CA4: variants seen among roughly 807,000 people sequenced by gnomAD.
The protein encoded by CA4 is CA-IV.
In CA4, 24 loss-of-function variants were observed where a neutral mutation model predicts 34.5. The observed-to-expected ratio is 0.70, with a 90% CI of 0.50 to 0.98. The LOEUF is 0.98. Among genes scored for constraint, CA4 ranks in the 50% least tolerant of loss-of-function variants. CA4 has a pLI of 0.00. For synonymous variants in CA4, 178 were observed against 170.6 expected (o/e 1.04, Z -0.34); for missense variants, 394 against 396.7 (o/e 0.99, Z 0.06).
At chr17:60,163,300 G>T (rs2145294831), downstream of CA4, among the ~76,000 whole-genome samples, 1 of 152,280 alleles carries the variant, frequency 6.6e-6, no homozygotes, top group East Asian at 1.9e-4. Context: ...CCCCAGCGTG[G>T]TGCAACCCTG....
chr17:60,161,327 C>T (rs142417369), downstream of CA4, among the ~76,000 whole-genome samples: 43 of 152,184 alleles, frequency 2.8e-4, no homozygotes, highest in African/African-American at 7.2e-4. Context: ...GAACTGAGGG[C>T]CCGCAGCTGT....
downstream of CA4, among the ~76,000 whole-genome samples, chr17:60,163,720 C>T (rs1377539841): frequency 1.3e-5 from 2 of 152,196 alleles, no homozygotes; most frequent in African/African-American, 2.4e-5. Context: ...GGAGGCTCCT[C>T]AGGTTGTTCC....
rs2083748591 is a variant in CA4, at chr17:60,159,097, T to C, written c.745-133T>C. On this transcript the variant is annotated intron_variant, in intron 7 of 7. Coordinates refer to ENST00000300900, the MANE Select transcript of CA4 (RefSeq NM_000717.5). ...ATTCTTATCATCTTCACGACCACCT[T>C]GAGAGCCAGGGGTTCAGAGCCCCTC... 5 of 780,598 alleles carry C rather than the reference T, an allele frequency of 6.4e-6. No individual in the cohort carries two copies. The Admixed American group carries it at 8.2e-5, about 13-fold the overall frequency. 48.4% of individuals were successfully genotyped at this position (780,598 alleles called of 1,614,324 possible). A position where few individuals can be genotyped will look rare whatever the true frequency, so the allele number is the denominator to read the frequency against.
At chr17:60,160,750 CAAAA>C (rs201178794), downstream of CA4, among the ~76,000 whole-genome samples, 1 of 129,704 alleles carries the variant, frequency 7.7e-6, no homozygotes. Flanking sequence ...GACTCTGTCT[CAAAA>C]AAAAAAAAAA....
the CA4 span, among the ~76,000 whole-genome samples, chr17:60,178,069 G>A: frequency 6.6e-6 from 1 of 152,030 alleles, no homozygotes. Context: ...GATGACTACT[G>A]TAAAATTTAA....
At chr17:60,171,848 C>T (rs934804888), downstream of CA4, among the ~76,000 whole-genome samples, 4 of 152,300 alleles carry the variant, frequency 2.6e-5, no homozygotes, top group East Asian at 5.8e-4. Context: ...TAATGCAACT[C>T]GCTCAATATT....
intron 1 of CA4, among the ~76,000 whole-genome samples, chr17:60,151,746 C>T (rs1285580981): frequency 3.9e-5 from 6 of 152,278 alleles, no homozygotes; most frequent in African/African-American, 1.4e-4. Flanking sequence ...GCTGCTATCC[C>T]CTTTAGTGCC....
downstream of CA4, among the ~76,000 whole-genome samples, chr17:60,162,037 T>G (rs1389727835): frequency 6.6e-6 from 1 of 151,710 alleles, no homozygotes; most frequent in Non-Finnish European, 1.5e-5. Flanking sequence ...TGTTCGACCC[T>G]CCCCATCCCC....
intron 1 of CA4, among the ~76,000 whole-genome samples, chr17:60,153,612 A>G (rs2083627729): frequency 6.6e-6 from 1 of 152,174 alleles, no homozygotes; most frequent in Non-Finnish European, 1.5e-5. Flanking sequence ...TGGGGTCTGG[A>G]TCGGGACCCC....
In CA4 at chr17:60,157,360, T is replaced by C. The variant is rs980959574; in HGVS notation, c.269-67T>C. The stretch of plus-strand genomic sequence containing the variant: ...AGACAATGTCCCATCTGGGTGAAGC[T>C]GGGATGAAGAGCTAGAGGAGGCTGA... On this transcript the variant is annotated intron_variant, in intron 3 of 7. Transcript: ENST00000300900. 7.1e-6 allele frequency: 11 copies of C among 1,543,868 alleles called. No homozygotes were observed. The African/African-American group carries it at 1.2e-4, about 17-fold the overall frequency.
At chr17:60,172,348 GCCT>G (rs2083918222), downstream of CA4, among the ~76,000 whole-genome samples, 1 of 152,054 alleles carries the variant, frequency 6.6e-6, no homozygotes, top group East Asian at 1.9e-4. Flanking sequence ...TCCCCCTTCT[GCCT>G]CCTTTTTTCT....
At chr17:60,156,112 C>A (rs1401875644) in intron 2 of CA4, among the ~76,000 whole-genome samples, 1 of 152,142 alleles carries the variant, frequency 6.6e-6, no homozygotes, top group Admixed American at 6.5e-5. Context: ...TCAGCAGCCC[C>A]CCCGGGGGTC....
chr17:60,158,646 G>A (rs2083740011), intron 7 of CA4, 200 bp downstream of exon 7: 1 of 612,726 alleles, frequency 1.6e-6, no homozygotes, highest in Non-Finnish European at 2.9e-6. Context: ...CTAGACAGGA[G>A]GCAGGGGAAG....
intron 1 of CA4, among the ~76,000 whole-genome samples, chr17:60,154,050 T>A (rs544973422): frequency 6.6e-6 from 1 of 152,258 alleles, no homozygotes; most frequent in South Asian, 2.1e-4. Context: ...TACAAGAAGA[T>A]GGGACTGTGG....
At chr17:60,150,332 G>C (rs1213356221) in intron 1 of CA4, among the ~76,000 whole-genome samples, 3 of 152,200 alleles carry the variant, frequency 2.0e-5, no homozygotes, top group Non-Finnish European at 2.9e-5. Context: ...TGCGCGGTGA[G>C]GGTGTGTGCG....
At chr17:60,178,727 T>C in the CA4 span, among the ~76,000 whole-genome samples, 2 of 152,188 alleles carry the variant, frequency 1.3e-5, no homozygotes, top group African/African-American at 4.8e-5. Flanking sequence ...AAAAATAAAT[T>C]GAAAAATCCT....
At chr17:60,156,484 G>T in intron 2 of CA4, 76 bp from the exon 3 acceptor site, 1 of 1,462,574 alleles carries the variant, frequency 6.8e-7, no homozygotes, top group South Asian at 1.1e-5. Flanking sequence ...GGGTGGGCCT[G>T]ACTTCAGTGG....
downstream of CA4, among the ~76,000 whole-genome samples, chr17:60,159,917 A>G (rs1005240192): frequency 2.8e-4 from 42 of 152,148 alleles, no homozygotes; most frequent in African/African-American, 9.4e-4. Context: ...AGGCACGTGA[A>G]TCACTTGAGC....
At chr17:60,164,682 T>C (rs1415624871) in intron 5 of CA4, among the ~76,000 whole-genome samples, 1 of 152,134 alleles carries the variant, frequency 6.6e-6, no homozygotes, top group East Asian at 1.9e-4. Flanking sequence ...TGAGCCACCA[T>C]GCCCGGCCTT....
Sources: gnomAD v4.1 joint callset for allele counts (sites outside exome capture counted in the v4.1 genomes callset) on GRCh38, gnomAD v4.1.1 for gene constraint, MANE v1.5 for transcripts, NCBI Gene and HGNC (gene_info 2026-07-23, HGNC 2026-07-21) for gene names.